The following IFT56 variants were observed in gnomAD, a reference collection of about 807,000 sequenced individuals.
The protein encoded by IFT56 is intraflagellar transport protein 56.
chr7:139,149,062 T>C, the IFT56 span, among the ~76,000 whole-genome samples: 1 of 151,988 alleles, frequency 6.6e-6, no homozygotes, highest in African/African-American at 2.4e-5. Context: ...TCCCAGCACT[T>C]TGGGAGGCTG....
chr7:139,173,297 G>A, the IFT56 span: 29 of 411,224 alleles, frequency 7.1e-5, 1 homozygote, highest in South Asian at 1.2e-4. Context: ...GTGTGATCTC[G>A]GCTCACTGCA....
At chr7:139,140,038 C>G in the IFT56 span, 1 of 1,342,306 alleles carries the variant, frequency 7.4e-7, no homozygotes, top group South Asian at 1.3e-5. Context: ...ATTCTTCATT[C>G]ATAGTTAAGA....
At chr7:139,181,046 A>C in the IFT56 span, 2 of 1,192,888 alleles carry the variant, frequency 1.7e-6, no homozygotes, top group South Asian at 2.6e-5. Flanking sequence ...ATTTTTGTAC[A>C]GTAAAAATGA....
chr7:139,134,774 A>C, the IFT56 span: 1 of 1,613,836 alleles, frequency 6.2e-7, no homozygotes. Context: ...ATTTCACTGG[A>C]GCTATTACCC....
chr7:139,155,343 T>C, the IFT56 span, among the ~76,000 whole-genome samples: 6 of 152,284 alleles, frequency 3.9e-5, no homozygotes, highest in African/African-American at 1.2e-4. Flanking sequence ...TTCAGTACAA[T>C]GTTGAATAGA....
the IFT56 span, among the ~76,000 whole-genome samples, chr7:139,148,829 G>A: frequency 2.6e-5 from 4 of 151,722 alleles, no homozygotes; most frequent in East Asian, 3.9e-4. Context: ...TTCGGGGGGC[G>A]GGTGGAGGTT....
chr7:139,143,699 A>T, the IFT56 span, among the ~76,000 whole-genome samples: 1 of 151,960 alleles, frequency 6.6e-6, no homozygotes, highest in Non-Finnish European at 1.5e-5. Context: ...AGTTAGCTTC[A>T]TAACTGCCAT....
chr7:139,171,471 A>G, the IFT56 span, among the ~76,000 whole-genome samples: 375 of 152,336 alleles, frequency 2.5e-3, no homozygotes, highest in Admixed American at 4.6e-3. Context: ...CCAAAACAGC[A>G]TGGTACTGGC....
chr7:139,180,928 T>TG, the IFT56 span, among the ~76,000 whole-genome samples: 1 of 152,216 alleles, frequency 6.6e-6, no homozygotes, highest in South Asian at 2.1e-4. Context: ...GGTAGAATTC[T>TG]GGCAGGGAGC....
chr7:139,166,883 T>C, the IFT56 span: 7 of 1,584,530 alleles, frequency 4.4e-6, no homozygotes, highest in Non-Finnish European at 6.1e-6. Flanking sequence ...ATCTGGAACC[T>C]ACTACTCCTC....
chr7:139,176,545 C>T, the IFT56 span, among the ~76,000 whole-genome samples: 1,449 of 152,210 alleles, frequency 9.5e-3, 14 homozygotes, highest in Non-Finnish European at 0.014. Context: ...TAAAGTATTT[C>T]ATCAGCCAAG....
the IFT56 span, among the ~76,000 whole-genome samples, chr7:139,159,880 A>G: frequency 2.0e-5 from 3 of 152,194 alleles, no homozygotes; most frequent in African/African-American, 7.2e-5. Context: ...GTTAATTCCA[A>G]CATATTTTAA....
chr7:139,158,852 T>C, the IFT56 span, among the ~76,000 whole-genome samples: 1 of 152,084 alleles, frequency 6.6e-6, no homozygotes, highest in Non-Finnish European at 1.5e-5. Flanking sequence ...GGACAGGGGT[T>C]GCAGTGGGCT....
chr7:139,168,062 GAAATA>G, the IFT56 span, among the ~76,000 whole-genome samples: 3 of 151,742 alleles, frequency 2.0e-5, no homozygotes, highest in South Asian at 6.2e-4. Flanking sequence ...CCATAGAATT[GAAATA>G]AAATGAAACT....
chr7:139,148,983 A>G, the IFT56 span, among the ~76,000 whole-genome samples: 2 of 152,046 alleles, frequency 1.3e-5, no homozygotes, highest in Non-Finnish European at 2.9e-5. Flanking sequence ...AATGCCACCA[A>G]CATACATCCA....
At chr7:139,165,286 T>TCTA in the IFT56 span, 1 of 1,218,204 alleles carries the variant, frequency 8.2e-7, no homozygotes, top group Non-Finnish European at 1.2e-6. Context: ...TTAGAATAGT[T>TCTA]AAATATGTCT....
At chr7:139,185,206 A>C in the IFT56 span, among the ~76,000 whole-genome samples, 1 of 152,016 alleles carries the variant, frequency 6.6e-6, no homozygotes, top group Non-Finnish European at 1.5e-5. Context: ...GTGTCCAAAA[A>C]AAAAGAGTAA....
At chr7:139,174,565 C>A in the IFT56 span, among the ~76,000 whole-genome samples, 1,536 of 147,452 alleles carry the variant, frequency 0.01, 10 homozygotes, top group South Asian at 0.032. Flanking sequence ...AGGAAACAAT[C>A]AACAAAGTGA....
At chr7:139,145,310 A>G in the IFT56 span, among the ~76,000 whole-genome samples, 1 of 151,898 alleles carries the variant, frequency 6.6e-6, no homozygotes, top group Non-Finnish European at 1.5e-5. Context: ...ACCATTAGAG[A>G]AAAAAATGGT....
Sources: allele counts gnomAD v4.1 joint callset (sites outside exome capture counted in the v4.1 genomes callset), GRCh38; gene constraint gnomAD v4.1.1; transcripts MANE v1.5; gene names NCBI Gene and HGNC (gene_info 2026-07-23, HGNC 2026-07-21).